The following SPTBN1 variants were observed in gnomAD, a reference collection of about 807,000 sequenced individuals.
SPTBN1 encodes the protein spectrin beta, non-erythrocytic 1.
A neutral mutation model predicts 266.4 loss-of-function variants in SPTBN1; 32 were observed. The ratio of observed to expected loss-of-function variants is 0.12; its 90% CI spans 0.09 to 0.16. The LOEUF is 0.16. SPTBN1 is among the 10% of genes least tolerant of loss of function. SPTBN1 has a pLI of 1.00. For synonymous variants in SPTBN1, 1,336 were observed against 1,162.2 expected (o/e 1.15, Z -3.04); for missense variants, 2,296 against 3,067.1 (o/e 0.75, Z 5.94).
At chr2:54,560,664 A>T (rs544250992) in intron 2 of SPTBN1, among the ~76,000 whole-genome samples, 4 of 152,178 alleles carry the variant, frequency 2.6e-5, no homozygotes, top group South Asian at 2.1e-4. Context: ...TTTAAAAATA[A>T]TTTTTTTTAG....
At chr2:54,541,224 A>C (rs1573374646) in intron 2 of SPTBN1, among the ~76,000 whole-genome samples, 1 of 152,232 alleles carries the variant, frequency 6.6e-6, no homozygotes, top group African/African-American at 2.4e-5. Flanking sequence ...ATATGTCTCT[A>C]CTATGAACAT....
At chr2:54,483,526 A>G (rs1275157224) in intron 1 of SPTBN1, among the ~76,000 whole-genome samples, 4 of 152,188 alleles carry the variant, frequency 2.6e-5, no homozygotes, top group Non-Finnish European at 5.9e-5. Context: ...GGAAGCCCGC[A>G]GTCTGGTCTG....
At chr2:54,562,533 C>CTTTTTTT (rs1553447705) in intron 2 of SPTBN1, among the ~76,000 whole-genome samples, 43 of 126,820 alleles carry the variant, frequency 3.4e-4, no homozygotes, top group East Asian at 1.7e-3. Context: ...TTTTCTTTTT[C>CTTTTTTT]TTTTTTTTTT....
chr2:54,652,903 T>G (rs938573027), intron 26 of SPTBN1: 11 of 151,636 alleles, frequency 7.3e-5, no homozygotes, highest in African/African-American at 2.7e-4. Flanking sequence ...CTTTCTTTCT[T>G]TTATTTATGA....
chr2:54,603,996 T>C (rs1322770357), intron 3 of SPTBN1, among the ~76,000 whole-genome samples: 1 of 152,168 alleles, frequency 6.6e-6, no homozygotes, highest in East Asian at 1.9e-4. Flanking sequence ...ATCATACAGC[T>C]GTAAGTGACT....
At chr2:54,650,896 G>T (rs1359804072) in intron 26 of SPTBN1, among the ~76,000 whole-genome samples, 5 of 152,236 alleles carry the variant, frequency 3.3e-5, no homozygotes, top group African/African-American at 1.2e-4. Context: ...CCTCTAAATA[G>T]CTTTGGTATA....
Position 54,568,210 on chromosome 2 carries a change from G to A in SPTBN1, c.149-30882G>A, listed in dbSNP as rs1374245926. Among the ~76,000 whole-genome samples the A allele has an allele frequency of 3.3e-5, 5 of 151,936 alleles. No individual in the cohort carries two copies. The East Asian group carries it at 5.8e-4, about 18-fold the overall frequency. ...AGCCTGGCCAAGATGGTGAAACTCC[G>A]TCTCTACTAAAAATACAAAAATCAG... On this transcript the variant is annotated intron_variant, in intron 2 of 35. Transcript: ENST00000356805.
chr2:54,558,027 T>C lies in SPTBN1; in HGVS notation c.148+31461T>C. ...CGCGGGCCCGGGACCCTTGGGGCTCTTCACTCTCCAGGCCGTCCCGTGGGC... is the reference window on the plus strand; with the variant it reads ...CGCGGGCCCGGGACCCTTGGGGCTCCTCACTCTCCAGGCCGTCCCGTGGGC... On this transcript the variant is annotated intron_variant, in intron 2 of 35. Transcript: ENST00000356805. The surrounding 1 kb of genome is among the most constrained non-coding windows in gnomAD (Gnocchi z 4.6). 3 of 985,252 alleles carry C rather than the reference T, an allele frequency of 3.0e-6. No homozygotes were observed. The highest frequency in any genetic ancestry group is 3.6e-6 in the Non-Finnish European group (3 of 829,884). The allele number at this position is 985,252 out of a possible 1,614,324, so 61.0% of individuals were successfully genotyped here. A position where few individuals can be genotyped will look rare whatever the true frequency, so the allele number is the denominator to read the frequency against.
chr2:54,608,837 A>G (rs529695449), intron 3 of SPTBN1, among the ~76,000 whole-genome samples: 5 of 152,338 alleles, frequency 3.3e-5, no homozygotes, highest in African/African-American at 9.6e-5. Flanking sequence ...TGTCTTATCA[A>G]TAATATAAAC....
At chr2:54,537,177 C>A (rs148257409) in intron 2 of SPTBN1, among the ~76,000 whole-genome samples, 180 of 152,310 alleles carry the variant, frequency 1.2e-3, no homozygotes, top group African/African-American at 4.1e-3. Context: ...CATTGGAACC[C>A]TCTGCTTAGT....
At position 54,612,279 on chromosome 2, in the gene SPTBN1, A is replaced by G; in HGVS notation, c.419A>G (p.Asp140Gly). 1 of 1,614,136 alleles carries G rather than the reference A, an allele frequency of 6.2e-7. No individual in the cohort carries two copies. The highest frequency in any genetic ancestry group is 8.5e-7 in the Non-Finnish European group (1 of 1,179,958). Residue 140 changes from aspartate (D) to glycine (G), a missense_variant, in exon 4 of 36, where the codon GAT (aspartate) becomes GGT (glycine). Asp to Gly is a moderately conservative substitution (Grantham distance 94). This residue lies in a region of SPTBN1 where 178 missense variants were observed against 375.7 expected (regional missense o/e 0.47). Coordinates refer to ENST00000356805, the MANE Select transcript of SPTBN1 (RefSeq NM_003128.3). ...AACATGGGGTCCCATGACATCGTGG[A>G]TGGAAACCACCGGCTGACCCTTGGC... is the stretch of plus-strand genomic sequence containing the variant. ...LENMGSHDIVDGNHRLTLGLI... is the reference protein window; with the variant it reads ...LENMGSHDIVGGNHRLTLGLI...
chr2:54,624,772 G>GT (rs1203931661), intron 10 of SPTBN1, 32 bp from the exon 11 acceptor site: 1 of 1,613,676 alleles, frequency 6.2e-7, no homozygotes, highest in East Asian at 2.2e-5. Context: ...AGGAAACTGT[G>GT]TTTGTGTGTG....
rs56027497 is a variant in SPTBN1, at chr2:54,533,349, AGTGTGTGTGTGTGTGT to A, written c.148+6814_148+6829del. Among the ~76,000 whole-genome samples the A allele has an allele frequency of 1.2e-3, 165 of 141,968 alleles. No homozygotes were observed. Among genetic ancestry groups the A allele is most frequent in the South Asian group, 2.4e-3 (10 of 4,176 alleles). 93.1% of individuals were successfully genotyped at this position (141,968 alleles called of 152,430 possible). ...AGTGAAACCCAGGCTAAAGGGGACT[AGTGTGTGTGTGTGTGT>A]GTGTGTGTGTGTGTGTGTGTGTGTG... On this transcript the variant is annotated intron_variant, in intron 2 of 35. Coordinates refer to ENST00000356805, the MANE Select transcript of SPTBN1 (RefSeq NM_003128.3). This position sits in a 1 kb window ranked among gnomAD's most constrained non-coding sequence, Gnocchi z 4.2.
At chr2:54,562,778 G>A (rs1046127095) in intron 2 of SPTBN1, among the ~76,000 whole-genome samples, 1 of 149,982 alleles carries the variant, frequency 6.7e-6, no homozygotes, top group African/African-American at 2.5e-5. Context: ...AACTGGTCTT[G>A]AACTCATGAG....
At position 54,481,391 on chromosome 2, in the gene SPTBN1, AGTGTGTGTGTGTGTGTGT is replaced by A. The variant is rs72077761; in HGVS notation, c.-48+24906_-48+24923del. On this transcript the variant is annotated intron_variant, in intron 1 of 35. Coordinates refer to ENST00000356805, the MANE Select transcript of SPTBN1 (RefSeq NM_003128.3). ...GAAGATTAGAGGCTGCAGAAACCTG[AGTGTGTGTGTGTGTGTGT>A]GTGTGTGTGTGTGTGTGTGTGTGTG... is the stretch of plus-strand genomic sequence containing the variant. 5.8e-3 allele frequency among the ~76,000 whole-genome samples: 677 copies of A among 117,408 alleles called. 2 individuals are homozygous for A. The highest frequency in any genetic ancestry group is 8.7e-3 in the Non-Finnish European group (492 of 56,422). The allele number at this position is 117,408 out of a possible 152,430, so 77.0% of individuals were successfully genotyped here. A position where few individuals can be genotyped will look rare whatever the true frequency, so the allele number is the denominator to read the frequency against.
intron 1 of SPTBN1, among the ~76,000 whole-genome samples, chr2:54,474,016 A>G (rs969999323): frequency 2.0e-5 from 3 of 152,208 alleles, no homozygotes; most frequent in African/African-American, 7.2e-5. Context: ...GTGTGAAGGC[A>G]GACGGAAACA....
At chr2:54,457,245 G>A (rs1693102121) in intron 1 of SPTBN1, 1 of 145,254 alleles carries the variant, frequency 6.9e-6, no homozygotes, top group African/African-American at 2.5e-5. Flanking sequence ...CCGCCCTTCA[G>A]CTCCTGCCAC....
chr2:54,476,069 C>G (rs918598463), intron 1 of SPTBN1, among the ~76,000 whole-genome samples: 2 of 151,870 alleles, frequency 1.3e-5, no homozygotes. Flanking sequence ...CATAGTTTAT[C>G]AGGCAGGTTA....
chr2:54,594,063 C>G (rs1675875738), intron 2 of SPTBN1, among the ~76,000 whole-genome samples: 3 of 152,002 alleles, frequency 2.0e-5, no homozygotes, highest in Non-Finnish European at 1.5e-5. Context: ...GAACTCCTGA[C>G]CTCATGATCC....
Sources: gnomAD v4.1 joint callset for allele counts (sites outside exome capture counted in the v4.1 genomes callset) on GRCh38, gnomAD v4.1.1 for gene constraint, gnomAD v4.1.1 regional missense constraint, Gnocchi (gnomAD v3.1) non-coding constraint, MANE v1.5 for transcripts, NCBI Gene and HGNC (gene_info 2026-07-23, HGNC 2026-07-21) for gene names.